The following ZFPM2 variants were observed in gnomAD, a reference collection of about 807,000 sequenced individuals.
ZFPM2 encodes the protein zinc finger protein, FOG family member 2, also known as zinc finger protein ZFPM2.
A neutral mutation model predicts 98.6 loss-of-function variants in ZFPM2; 20 were observed. The ratio of observed to expected loss-of-function variants is 0.20; its 90% confidence interval spans 0.14 to 0.29. ZFPM2 has a LOEUF of 0.29. Ranked by LOEUF, ZFPM2 falls within the 10% of genes least tolerant of loss-of-function variation. The probability of loss-of-function intolerance (pLI) is 1.00; values close to 1 mark genes in which losing one functional copy is unlikely to be tolerated. For synonymous variants in ZFPM2, 518 were observed against 502.7 expected, an observed-to-expected ratio of 1.03 and a Z score of -0.41; for missense variants, 1,310 against 1,388.6, an observed-to-expected ratio of 0.94 and a Z score of 0.90.
chr8:105,574,432 G>A (rs1438382360), intron 4 of ZFPM2, among the ~76,000 whole-genome samples: 1 of 152,168 alleles, frequency 6.6e-6, no homozygotes, highest in African/African-American at 2.4e-5. Flanking sequence ...CATTTCTCAG[G>A]TGTGTGATTG....
Position 105,803,059 on chromosome 8 carries a change from A to G in ZFPM2, c.2977A>G (p.Ile993Val). 2 of 1,613,782 alleles carry G rather than the reference A, an allele frequency of 1.2e-6. No homozygotes were observed. The highest frequency in any genetic ancestry group is 1.7e-6 in the Non-Finnish European group (2 of 1,179,810). The change falls in exon 8 of 8, where the codon ATT (isoleucine) becomes GTT (valine). Residue 993 changes from isoleucine to valine, a missense_variant. Coordinates refer to ENST00000407775, the MANE Select transcript of ZFPM2 (RefSeq NM_012082.4). ...PYYGIKPSDYISGSLVIHNTD... is the reference protein window; with the variant it reads ...PYYGIKPSDYVSGSLVIHNTD... ...TTATGGAATCAAGCCAAGTGATTAT[A>G]TTTCTGGTTCTCTTGTCATCCATAA...
intron 1 of ZFPM2, among the ~76,000 whole-genome samples, chr8:105,365,009 A>G (rs1190440604): frequency 6.6e-6 from 1 of 151,736 alleles, no homozygotes; most frequent in Non-Finnish European, 1.5e-5. Context: ...CCTGGGCCCT[A>G]TTATCTCAAC....
chr8:105,381,578 A>G (rs1810890551), intron 1 of ZFPM2, among the ~76,000 whole-genome samples: 1 of 152,284 alleles, frequency 6.6e-6, no homozygotes, highest in South Asian at 2.1e-4. Context: ...GAGATTCCCC[A>G]TAGTTCCCTC....
intron 5 of ZFPM2, among the ~76,000 whole-genome samples, chr8:105,764,414 A>G (rs558250137): frequency 8.6e-5 from 13 of 151,448 alleles, no homozygotes; most frequent in African/African-American, 2.7e-4. Flanking sequence ...TTTATAGAAA[A>G]TTTTCTTCTA....
chr8:105,701,747 A>G (rs1166791301), intron 5 of ZFPM2, among the ~76,000 whole-genome samples: 2 of 152,240 alleles, frequency 1.3e-5, no homozygotes, highest in Non-Finnish European at 2.9e-5. Context: ...TGATGATTGT[A>G]AAGTTTCTAC....
At chr8:105,613,610 T>C (rs1816353552) in intron 4 of ZFPM2, among the ~76,000 whole-genome samples, 2 of 152,152 alleles carry the variant, frequency 1.3e-5, no homozygotes, top group South Asian at 2.1e-4. Context: ...GAAGAATAAT[T>C]GCTCTGAAAA....
Position 105,340,343 on chromosome 8 carries a change from C to T in ZFPM2, c.40+21362C>T, listed in dbSNP as rs181734699. Among the ~76,000 whole-genome samples, 702 of 151,944 alleles carry T rather than the reference C, an allele frequency of 4.6e-3. 6 individuals carry two copies. The highest frequency in any genetic ancestry group is 3.6e-3 in the Non-Finnish European group (245 of 67,894). On this transcript the variant is annotated intron_variant, in intron 1 of 7. Transcript: ENST00000407775. Reference sequence around the variant, plus strand: ...AAATTGGAAAATCATCACTCAGAAACGTACCCATAACAACAAAAATGCCTT... The same window carrying T: ...AAATTGGAAAATCATCACTCAGAAATGTACCCATAACAACAAAAATGCCTT...
At chr8:105,394,316 G>A (rs921444979) in intron 1 of ZFPM2, among the ~76,000 whole-genome samples, 20 of 152,058 alleles carry the variant, frequency 1.3e-4, no homozygotes, top group Non-Finnish European at 2.9e-4. Flanking sequence ...TTTAGGGAAG[G>A]GTGTTTTATA....
chr8:105,591,140 C>T (rs1815834042), intron 4 of ZFPM2, among the ~76,000 whole-genome samples: 1 of 151,872 alleles, frequency 6.6e-6, no homozygotes, highest in Non-Finnish European at 1.5e-5. Context: ...GACTATGAAT[C>T]AGTTTGCTGA....
In ZFPM2 at chr8:105,777,795, G is replaced by A. The variant is rs73700149; in HGVS notation, c.533-10923G>A. 4.4e-3 allele frequency among the ~76,000 whole-genome samples: 671 copies of A among 152,154 alleles called. 3 individuals carry two copies. Among genetic ancestry groups the A allele is most frequent in the African/African-American group, 0.014 (601 of 41,518 alleles). On this transcript the variant is annotated intron_variant, in intron 5 of 7. Transcript: ENST00000407775. ...ATTAATCAACTCTAAATAAACAAGT[G>A]GATAGATCTATCTAACAACTATGAA...
At chr8:105,417,364 A>G (rs1360333238) in intron 1 of ZFPM2, among the ~76,000 whole-genome samples, 3 of 152,130 alleles carry the variant, frequency 2.0e-5, no homozygotes, top group Non-Finnish European at 2.9e-5. Context: ...CAGTACATCC[A>G]TGTAACACAA....
chr8:105,796,189 G>A (rs577635107), intron 6 of ZFPM2, among the ~76,000 whole-genome samples: 57 of 151,736 alleles, frequency 3.8e-4, no homozygotes, highest in Admixed American at 9.2e-4. Flanking sequence ...CTTTGATTCT[G>A]ATAGTGAGGA....
chr8:105,682,094 T>C (rs2130922712), intron 5 of ZFPM2, among the ~76,000 whole-genome samples: 1 of 152,234 alleles, frequency 6.6e-6, no homozygotes. Flanking sequence ...ATGATTGAAA[T>C]TATAAGGGAA....
chr8:105,689,991 AGGTCAATTT>A (rs931199764), intron 5 of ZFPM2, among the ~76,000 whole-genome samples: 1 of 152,214 alleles, frequency 6.6e-6, no homozygotes, highest in African/African-American at 2.4e-5. Context: ...TGACATCATT[AGGTCAATTT>A]GAGATTAGGA....
Position 105,624,893 on chromosome 8 carries a change from C to A in ZFPM2, c.421-9353C>A, listed in dbSNP as rs528439562. On this transcript the variant is annotated intron_variant, in intron 4 of 7. Coordinates refer to ENST00000407775, the MANE Select transcript of ZFPM2 (RefSeq NM_012082.4). ...AGTATGGACATAATAGCCAAGAATT[C>A]TATCATTTTATTTCACACTCATTTT... 7.2e-5 allele frequency among the ~76,000 whole-genome samples: 11 copies of A among 152,200 alleles called. 1 individual carries two copies. In the East Asian group the frequency reaches 2.1e-3, roughly 29 times the overall value.
intron 3 of ZFPM2, among the ~76,000 whole-genome samples, chr8:105,537,740 AT>A (rs952882665): frequency 2.0e-5 from 3 of 150,704 alleles, no homozygotes; most frequent in African/African-American, 2.4e-5. Context: ...CTTCTTCTTT[AT>A]TTTTTTTTGA....
intron 4 of ZFPM2, among the ~76,000 whole-genome samples, chr8:105,584,030 G>T (rs527879772): frequency 6.6e-6 from 1 of 152,064 alleles, no homozygotes; most frequent in South Asian, 2.1e-4. Context: ...AAATAAAATG[G>T]TTTATCGTAT....
At chr8:105,642,333 A>G (rs928357798) in intron 5 of ZFPM2, among the ~76,000 whole-genome samples, 1 of 152,148 alleles carries the variant, frequency 6.6e-6, no homozygotes, top group African/African-American at 2.4e-5. Context: ...AATTATAAAG[A>G]TATTTCTGTT....
chr8:105,769,746 A>T (rs1812941777), intron 5 of ZFPM2, among the ~76,000 whole-genome samples: 1 of 151,976 alleles, frequency 6.6e-6, no homozygotes, highest in Non-Finnish European at 1.5e-5. Context: ...CCTCTGTTGA[A>T]ATCCTTTTCA....
Sources: allele counts gnomAD v4.1 joint callset (sites outside exome capture counted in the v4.1 genomes callset), GRCh38; gene constraint gnomAD v4.1.1; transcripts MANE v1.5; gene names NCBI Gene and HGNC (gene_info 2026-07-23, HGNC 2026-07-21).